The following RTN4RL1 variants were observed in gnomAD, a reference collection of about 807,000 sequenced individuals.
The protein encoded by RTN4RL1 is reticulon-4 receptor-like 1.
A neutral mutation model predicts 25.6 loss-of-function variants in RTN4RL1; 7 were observed. The observed-to-expected ratio is 0.27, with a 90% CI of 0.16 to 0.51. The LOEUF is 0.51. Ranked by LOEUF, RTN4RL1 falls within the 20% of genes least tolerant of loss-of-function variation. The probability of loss-of-function intolerance (pLI) is 0.97; values close to 1 mark genes in which losing one functional copy is unlikely to be tolerated. For synonymous variants in RTN4RL1, 297 were observed against 288.2 expected, an observed-to-expected ratio of 1.03 and a Z score of -0.31; for missense variants, 500 against 615.6, an observed-to-expected ratio of 0.81 and a Z score of 1.99.
intron 1 of RTN4RL1, among the ~76,000 whole-genome samples, chr17:1,957,142 C>T (rs1219610980): frequency 2.6e-5 from 4 of 152,222 alleles, no homozygotes; most frequent in East Asian, 1.9e-4. Context: ...TTTGTGCTCA[C>T]GGCTTGGTTC....
At position 1,937,046 on chromosome 17, in the gene RTN4RL1, C is replaced by T; in HGVS notation, c.776G>A (p.Cys259Tyr). ...CCACAGGGAGCGCGCGCGACAACCA[C>T]AGTCCCAGGGGTTGCCGTTGAGGCG... ...FLRLNGNPWD[C>Y]GCRARSLWEW... Residue 259 changes from cysteine (C) to tyrosine (Y), a missense_variant, in exon 2 of 2, where the codon TGT becomes TAT. Cys to Tyr is a radical substitution (Grantham distance 194, BLOSUM62 -2). Around this residue, in one of 2 missense-constraint regions of RTN4RL1, gnomAD observed 268 missense variants for 274.5 expected, o/e 0.98. Transcript: ENST00000331238. 6.2e-7 allele frequency: 1 copy of T among 1,605,448 alleles called. No homozygotes were observed. Among genetic ancestry groups the T allele is most frequent in the Non-Finnish European group, 8.5e-7 (1 of 1,177,928 alleles).
At chr17:1,982,628 G>GAAAAT (rs2066872408) in intron 1 of RTN4RL1, among the ~76,000 whole-genome samples, 1 of 89,338 alleles carries the variant, frequency 1.1e-5, no homozygotes, top group South Asian at 3.3e-4. Flanking sequence ...GAAAAGAAAA[G>GAAAAT]AAAAGAAAAG....
intron 1 of RTN4RL1, 110 bp downstream of exon 1, chr17:2,024,743 C>G (rs2067250857): frequency 8.8e-7 from 1 of 1,133,346 alleles, no homozygotes; most frequent in African/African-American, 1.6e-5. Context: ...CCCACCAGCC[C>G]GCCGGGGGCT....
At chr17:1,950,846 CAAAA>C (rs61660812) in intron 1 of RTN4RL1, among the ~76,000 whole-genome samples, 4 of 17,800 alleles carry the variant, frequency 2.2e-4, no homozygotes, top group African/African-American at 6.4e-4. Context: ...ACACAGTCTC[CAAAA>C]AAAAAAAAAA....
At chr17:1,993,854 C>T (rs1232969370) in intron 1 of RTN4RL1, among the ~76,000 whole-genome samples, 2 of 152,042 alleles carry the variant, frequency 1.3e-5, no homozygotes, top group African/African-American at 4.8e-5. Context: ...GTATTCACAA[C>T]ACACAGCTTC....
intron 1 of RTN4RL1, among the ~76,000 whole-genome samples, chr17:1,997,807 C>A (rs1384372512): frequency 1.3e-5 from 2 of 152,040 alleles, no homozygotes; most frequent in Non-Finnish European, 2.9e-5. Flanking sequence ...CTGGGAGGTC[C>A]CCGCCCCCTT....
intron 1 of RTN4RL1, among the ~76,000 whole-genome samples, chr17:1,943,292 C>A (rs1014305591): frequency 1.3e-5 from 2 of 152,246 alleles, no homozygotes; most frequent in Non-Finnish European, 2.9e-5. Flanking sequence ...GGCTCTGCCC[C>A]CAGCTCCATC....
chr17:1,962,256 A>T (rs1051329193), intron 1 of RTN4RL1, among the ~76,000 whole-genome samples: 2 of 151,430 alleles, frequency 1.3e-5, no homozygotes, highest in Non-Finnish European at 2.9e-5. Flanking sequence ...TTTATCCTAG[A>T]TGACAAATCA....
Position 1,982,448 on chromosome 17 carries a change from T to C in RTN4RL1, c.13+42405A>G, listed in dbSNP as rs527446635. Among the ~76,000 whole-genome samples, 9 of 151,948 alleles carry C rather than the reference T, an allele frequency of 5.9e-5. No homozygotes were observed. In the South Asian group the frequency reaches 1.9e-3, roughly 32 times the overall value. On this transcript the variant is annotated intron_variant, in intron 1 of 1. Coordinates refer to ENST00000331238, the MANE Select transcript of RTN4RL1 (RefSeq NM_178568.4). ...TAACACGGTGAAACCTCATCTCTAC[T>C]ATAAATACAAAAAAAAATTAGCCAG...
intron 1 of RTN4RL1, among the ~76,000 whole-genome samples, chr17:1,957,873 C>T (rs942494857): frequency 7.9e-6 from 1 of 127,240 alleles, no homozygotes; most frequent in African/African-American, 2.7e-5. Context: ...AACAAACAAA[C>T]GAACAAACAA....
rs138892198 is a variant in RTN4RL1, at chr17:2,002,315, C to T, written c.13+22538G>A. On this transcript the variant is annotated intron_variant, in intron 1 of 1. Coordinates refer to ENST00000331238, the MANE Select transcript of RTN4RL1 (RefSeq NM_178568.4). Reference sequence around the variant, plus strand: ...TTTAATTTTAATTTTTTTTTTGAGACGGAGTCTTGCTCTGTCGCCCAGGCT... The same window carrying T: ...TTTAATTTTAATTTTTTTTTTGAGATGGAGTCTTGCTCTGTCGCCCAGGCT... 4.9e-3 allele frequency among the ~76,000 whole-genome samples: 719 copies of T among 145,498 alleles called. 31 individuals carry two copies. The East Asian group carries it at 0.093, about 19-fold the overall frequency.
At chr17:1,963,805 G>C (rs35699429) in intron 1 of RTN4RL1, among the ~76,000 whole-genome samples, 31,380 of 152,026 alleles carry the variant, frequency 0.21, 3,700 homozygotes, top group Middle Eastern at 0.31. Context: ...GATCTCGGCT[G>C]AGCGCAACCT....
chr17:2,014,807 GGAC>G (rs2067098853), intron 1 of RTN4RL1, among the ~76,000 whole-genome samples: 1 of 151,718 alleles, frequency 6.6e-6, no homozygotes. Flanking sequence ...ACTCCAGCCT[GGAC>G]GACAGGGAAG....
intron 1 of RTN4RL1, among the ~76,000 whole-genome samples, chr17:1,991,992 C>A (rs1010654938): frequency 1.3e-5 from 2 of 152,142 alleles, no homozygotes; most frequent in African/African-American, 4.8e-5. Flanking sequence ...CACGCCCACC[C>A]TCCTTCCTTG....
intron 1 of RTN4RL1, among the ~76,000 whole-genome samples, chr17:1,971,742 C>A (rs2066820119): frequency 6.6e-6 from 1 of 151,864 alleles, no homozygotes; most frequent in Admixed American, 6.6e-5. Context: ...GCGGGTGGAT[C>A]ACGAGGTCAG....
intron 1 of RTN4RL1, among the ~76,000 whole-genome samples, chr17:2,002,269 C>T (rs1597236663): frequency 6.8e-6 from 1 of 146,750 alleles, no homozygotes; most frequent in Non-Finnish European, 1.5e-5. Context: ...TTTTCTTTCT[C>T]TCTTTCTCTT....
chr17:1,981,321 C>A (rs1597225395), intron 1 of RTN4RL1, among the ~76,000 whole-genome samples: 1 of 152,172 alleles, frequency 6.6e-6, no homozygotes, highest in Non-Finnish European at 1.5e-5. Flanking sequence ...GTCAAGGCTG[C>A]AGTGAGCCGT....
At position 1,935,084 on chromosome 17, in the gene RTN4RL1, A is replaced by C. The variant is rs1915267948; in HGVS notation, c.*1412T>G. ...ACACAGGGCCCTTGCTGGGTCACAC[A>C]CCAAACAGCCTCAAGGAAAAATTCA... On this transcript the variant is annotated 3_prime_UTR_variant, in exon 2 of 2. Coordinates refer to ENST00000331238, the MANE Select transcript of RTN4RL1 (RefSeq NM_178568.4). 6.6e-6 allele frequency: 1 copy of C among 152,476 alleles called. No individual in the cohort carries two copies. The highest frequency in any genetic ancestry group is 1.5e-5 in the Non-Finnish European group (1 of 68,132). The allele number at this position is 152,476 out of a possible 1,614,324, so 9.4% of individuals were successfully genotyped here.
chr17:2,021,587 C>T (rs1174587204), intron 1 of RTN4RL1, among the ~76,000 whole-genome samples: 1 of 139,452 alleles, frequency 7.2e-6, no homozygotes, highest in Non-Finnish European at 1.5e-5. Context: ...CAGAGTCTCG[C>T]ATCTTCTCCT....
Sources: gnomAD v4.1 joint callset for allele counts (sites outside exome capture counted in the v4.1 genomes callset) on GRCh38, gnomAD v4.1.1 for gene constraint, gnomAD v4.1.1 regional missense constraint, MANE v1.5 for transcripts, NCBI Gene and HGNC (gene_info 2026-07-23, HGNC 2026-07-21) for gene names.